The following CDC14B variants were observed in gnomAD, a reference collection of about 807,000 sequenced individuals.
CDC14B encodes dual specificity protein phosphatase CDC14B.
Under a neutral mutation model 64.2 loss-of-function variants are expected in CDC14B, and 22 were observed. The ratio of observed to expected loss-of-function variants is 0.34; its 90% CI spans 0.24 to 0.49. The LOEUF (loss-of-function observed/expected upper bound fraction) is 0.49, where lower values mean the gene tolerates loss of function less well. CDC14B is among the 20% of genes least tolerant of loss of function. CDC14B has a pLI of 0.99. For missense variants in CDC14B, 498 were observed against 629.9 expected (o/e 0.79, Z 2.24); for synonymous variants, 191 against 215.8 (o/e 0.89, Z 1.01).
chr9:96,529,130 G>T (rs1030246435), intron 9 of CDC14B, among the ~76,000 whole-genome samples: 1 of 152,146 alleles, frequency 6.6e-6, no homozygotes, highest in African/African-American at 2.4e-5. Flanking sequence ...TTCATTGTCA[G>T]TGCCTTTGGT....
intron 12 of CDC14B, chr9:96,514,796 G>T: frequency 5.1e-6 from 5 of 985,418 alleles, no homozygotes; most frequent in Non-Finnish European, 6.0e-6. Flanking sequence ...GCCTTCTGGG[G>T]GTCTTCAACA....
chr9:96,539,347 A>C (rs1839728589), intron 6 of CDC14B, among the ~76,000 whole-genome samples: 2 of 152,256 alleles, frequency 1.3e-5, no homozygotes, highest in South Asian at 4.2e-4. Context: ...ATATGTAATA[A>C]GTTTGTTGTG....
intron 4 of CDC14B, among the ~76,000 whole-genome samples, chr9:96,557,268 G>A (rs188909219): frequency 2.6e-5 from 4 of 152,334 alleles, no homozygotes; most frequent in Admixed American, 6.5e-5. Context: ...AGCCCAGTTC[G>A]CCTCACACTA....
chr9:96,596,565 T>C (rs1277038460), intron 1 of CDC14B, among the ~76,000 whole-genome samples: 1 of 151,262 alleles, frequency 6.6e-6, no homozygotes, highest in African/African-American at 2.4e-5. Flanking sequence ...GGGAAAACAA[T>C]ACAAAAAAAT....
At chr9:96,491,228 A>C (rs1168926307) in exon 14 of CDC14B, 1 of 152,230 alleles carries the variant, frequency 6.6e-6, no homozygotes, top group East Asian at 1.9e-4. Context: ...CTTGAGATGG[A>C]ATCTGAACCT....
At chr9:96,610,098 TACACAC>T (rs570379220) in intron 1 of CDC14B, among the ~76,000 whole-genome samples, 10 of 149,464 alleles carry the variant, frequency 6.7e-5, no homozygotes, top group Non-Finnish European at 1.0e-4. Context: ...GATATATAGA[TACACAC>T]ACACACACAC....
At chr9:96,557,666 A>C (rs1354313292) in intron 4 of CDC14B, among the ~76,000 whole-genome samples, 1 of 152,250 alleles carries the variant, frequency 6.6e-6, no homozygotes, top group African/African-American at 2.4e-5. Context: ...ATATATTCTT[A>C]AATTTAATTA....
In CDC14B at chr9:96,503,168, C is replaced by T. The variant is rs545969684; in HGVS notation, c.*585G>A. On this transcript the variant is annotated 3_prime_UTR_variant, in exon 14 of 14. Transcript: ENST00000375241. The stretch of plus-strand genomic sequence containing the variant: ...CAACAGTGTTTAAATGTGATTTTCA[C>T]AGATTCTTGTTAATAAAGCACTCTT... The T allele has an allele frequency of 9.2e-6, 3 of 324,868 alleles. No homozygotes were observed. Among genetic ancestry groups the T allele is most frequent in the African/African-American group, 4.2e-5 (2 of 47,198 alleles). The allele number at this position is 324,868 out of a possible 1,614,324, so 20.1% of individuals were successfully genotyped here.
At chr9:96,514,692 C>A in intron 12 of CDC14B, 1 of 985,414 alleles carries the variant, frequency 1.0e-6, no homozygotes, top group Non-Finnish European at 1.2e-6. Flanking sequence ...AGAAGAAATT[C>A]TTAAAATATG....
At chr9:96,554,789 T>G (rs1270107522) in intron 4 of CDC14B, among the ~76,000 whole-genome samples, 1 of 152,196 alleles carries the variant, frequency 6.6e-6, no homozygotes, top group East Asian at 1.9e-4. Flanking sequence ...ACTTTTACTT[T>G]TACACCTACT....
At chr9:96,588,235 C>G (rs1007914010) in intron 1 of CDC14B, among the ~76,000 whole-genome samples, 1 of 152,076 alleles carries the variant, frequency 6.6e-6, no homozygotes, top group African/African-American at 2.4e-5. Context: ...GGGCTTTCAG[C>G]AAAGGAGTGT....
chr9:96,518,511 T>A (rs1249648915), intron 12 of CDC14B, among the ~76,000 whole-genome samples: 11 of 151,978 alleles, frequency 7.2e-5, no homozygotes, highest in African/African-American at 2.7e-4. Flanking sequence ...CAAGACTCTG[T>A]CTCGGGGAAA....
intron 12 of CDC14B, among the ~76,000 whole-genome samples, chr9:96,516,920 C>G (rs1030147193): frequency 2.0e-5 from 3 of 152,154 alleles, no homozygotes; most frequent in African/African-American, 7.2e-5. Flanking sequence ...TCCCAAGCAA[C>G]TGGGATTACA....
chr9:96,516,925 A>C (rs1835759341), intron 12 of CDC14B, among the ~76,000 whole-genome samples: 1 of 151,884 alleles, frequency 6.6e-6, no homozygotes. Flanking sequence ...AGCAACTGGG[A>C]TTACAGGCAT....
At chr9:96,494,531 G>A (rs1274553353) in intron 13 of CDC14B, among the ~76,000 whole-genome samples, 2 of 140,886 alleles carry the variant, frequency 1.4e-5, no homozygotes, top group African/African-American at 3.0e-5. Flanking sequence ...CACATCTCCT[G>A]TTGCTCCTGG....
At chr9:96,541,713 T>C (rs983985693) in intron 6 of CDC14B, 113 bp downstream of exon 6, 11 of 601,222 alleles carry the variant, frequency 1.8e-5, no homozygotes, top group Admixed American at 6.5e-5. Flanking sequence ...TCTGTCACCA[T>C]AGGCATCTTG....
intron 1 of CDC14B, among the ~76,000 whole-genome samples, chr9:96,581,159 G>A (rs1003032557): frequency 6.6e-6 from 1 of 152,190 alleles, no homozygotes. Flanking sequence ...GAACCCAGGA[G>A]GTGGAGGTTG....
At chr9:96,536,570 T>C (rs548587411) in intron 7 of CDC14B, among the ~76,000 whole-genome samples, 18 of 152,350 alleles carry the variant, frequency 1.2e-4, no homozygotes, top group African/African-American at 4.3e-4. Flanking sequence ...AATCCTACAA[T>C]GTATTCTTAC....
At chr9:96,603,191 CAAAT>C (rs1225087035) in intron 1 of CDC14B, among the ~76,000 whole-genome samples, 9 of 150,448 alleles carry the variant, frequency 6.0e-5, no homozygotes, top group Non-Finnish European at 1.2e-4. Flanking sequence ...CACACACACA[CAAAT>C]ACACAAAACA....
Sources: allele counts gnomAD v4.1 joint callset (sites outside exome capture counted in the v4.1 genomes callset), GRCh38; gene constraint gnomAD v4.1.1; transcripts MANE v1.5; gene names NCBI Gene and HGNC (gene_info 2026-07-23, HGNC 2026-07-21).